Variants in IQCE observed in about 807,000 individuals in gnomAD.
IQCE encodes IQ motif containing E.
Under a neutral mutation model 96.0 loss-of-function variants are expected in IQCE, and 115 were observed. The ratio of observed to expected loss-of-function variants is 1.20; its 90% confidence interval spans 1.03 to 1.40. The LOEUF is 1.40. Ranked by LOEUF, IQCE falls within the 40% of genes most tolerant of loss-of-function variation. The pLI, the probability that IQCE is intolerant of heterozygous loss-of-function variation, is 0.00. For synonymous variants in IQCE, 412 were observed against 371.2 expected (o/e 1.11, Z -1.26); for missense variants, 1,041 against 909.1 (o/e 1.15, Z -1.87).
At chr7:2,588,517 G>A (rs1221449426) in intron 13 of IQCE, among the ~76,000 whole-genome samples, 3 of 148,638 alleles carry the variant, frequency 2.0e-5, no homozygotes, top group African/African-American at 7.4e-5. Flanking sequence ...CCACACCCGG[G>A]TAATTTTTTG....
In IQCE at chr7:2,599,628, T is replaced by C. The variant is rs575843535; in HGVS notation, c.1608+996T>C. Reference sequence around the variant, plus strand: ...CCTCCGGCCTCAGCCTCCCAAGTAGTTGGGACTACAGGCAGGCACCACCAC... The same window carrying C: ...CCTCCGGCCTCAGCCTCCCAAGTAGCTGGGACTACAGGCAGGCACCACCAC... On this transcript the variant is annotated intron_variant, in intron 17 of 21. Transcript: ENST00000402050. Among the ~76,000 whole-genome samples, 239 of 148,502 alleles carry C rather than the reference T, an allele frequency of 1.6e-3. 1 individual carries two copies. The highest frequency in any genetic ancestry group is 2.9e-3 in the Non-Finnish European group (192 of 67,004).
chr7:2,559,153 C>T lies in IQCE; in HGVS notation c.-29C>T, dbSNP rs1344614704. On this transcript the variant is annotated 5_prime_UTR_variant, in exon 1 of 22. Transcript: ENST00000402050. ...GACCCGGACGCCCGAGCCAGCAACCCTGAGGGGCGGCCGGGCAGCGCCGCC... is the reference window on the plus strand; with the variant it reads ...GACCCGGACGCCCGAGCCAGCAACCTTGAGGGGCGGCCGGGCAGCGCCGCC... The T allele has an allele frequency of 8.2e-7, 1 of 1,213,288 alleles. No homozygotes were observed. The allele number at this position is 1,213,288 out of a possible 1,614,324, so 75.2% of individuals were successfully genotyped here. A position where few individuals can be genotyped will look rare whatever the true frequency, so the allele number is the denominator to read the frequency against.
At chr7:2,604,729 G>A (rs939617292) in intron 18 of IQCE, 152 bp from the exon 19 acceptor site, 34 of 600,806 alleles carry the variant, frequency 5.7e-5, no homozygotes, top group African/African-American at 4.1e-4. Flanking sequence ...GTGGGAGCAC[G>A]GACGGCTCTT....
In IQCE at chr7:2,598,450, T is replaced by G; in HGVS notation, c.1441-15T>G. 6.4e-7 allele frequency: 1 copy of G among 1,557,890 alleles called. No individual in the cohort carries two copies. The highest frequency in any genetic ancestry group is 1.2e-5 in the South Asian group (1 of 83,338). The stretch of plus-strand genomic sequence containing the variant: ...CCTGGCTTCATTGTCCTCTTACTCC[T>G]TCAATTTCCTGCAGGCCCAAGAGCT... On this transcript the variant is annotated splice_polypyrimidine_tract_variant and intron_variant, in intron 16 of 21. Coordinates refer to ENST00000402050, the MANE Select transcript of IQCE (RefSeq NM_152558.5).
intron 1 of IQCE, among the ~76,000 whole-genome samples, chr7:2,563,734 A>G (rs1781147350): frequency 6.6e-6 from 1 of 151,506 alleles, no homozygotes; most frequent in Non-Finnish European, 1.5e-5. Context: ...CTCTACTAAA[A>G]ATACAAAAAA....
Position 2,610,300 on chromosome 7 carries a change from G to T in IQCE, c.*138G>T. ...CTCAGCATCTGCGTCGTGTCTCTTT[G>T]TGCTTTTGTTTGTGGAAGGAGACCC... On this transcript the variant is annotated 3_prime_UTR_variant, in exon 22 of 22. Coordinates refer to ENST00000402050, the MANE Select transcript of IQCE (RefSeq NM_152558.5). The T allele has an allele frequency of 1.6e-6, 1 of 642,016 alleles. No individual in the cohort carries two copies. The highest frequency in any genetic ancestry group is 2.8e-6 in the Non-Finnish European group (1 of 356,376). The allele number at this position is 642,016 out of a possible 1,614,324, so 39.8% of individuals were successfully genotyped here.
intron 9 of IQCE, among the ~76,000 whole-genome samples, chr7:2,583,046 C>T (rs1782798868): frequency 6.6e-6 from 1 of 152,108 alleles, no homozygotes; most frequent in African/African-American, 2.4e-5. Flanking sequence ...GAAACTGAGG[C>T]CACACGTCCA....
chr7:2,600,179 C>T (rs964957330), intron 17 of IQCE, among the ~76,000 whole-genome samples: 2 of 151,946 alleles, frequency 1.3e-5, no homozygotes, highest in Non-Finnish European at 2.9e-5. Context: ...GATCTGTTTC[C>T]TTGTGGGGTC....
At chr7:2,595,600 C>G (rs2969015) in intron 16 of IQCE, among the ~76,000 whole-genome samples, 1 of 152,040 alleles carries the variant, frequency 6.6e-6, no homozygotes, top group Non-Finnish European at 1.5e-5. Flanking sequence ...TCTGTGGCTC[C>G]GAGGTCCCTG....
In IQCE at chr7:2,578,144, C is replaced by G. The variant is rs941019913; in HGVS notation, c.466-98C>G. 1.8e-5 allele frequency: 15 copies of G among 815,300 alleles called. No homozygotes were observed. In the African/African-American group the frequency reaches 3.1e-4, roughly 17 times the overall value. 50.5% of individuals were successfully genotyped at this position (815,300 alleles called of 1,614,324 possible). A position where few individuals can be genotyped will look rare whatever the true frequency, so the allele number is the denominator to read the frequency against. On this transcript the variant is annotated intron_variant, in intron 6 of 21. Coordinates refer to ENST00000402050, the MANE Select transcript of IQCE (RefSeq NM_152558.5). ...CGCGTGGGGACGTGTGTGCGGCGTG[C>G]CCGCATTGGCGTGTGCGTGGCTGTG... is the stretch of plus-strand genomic sequence containing the variant.
At position 2,559,077 on chromosome 7, in the gene IQCE, C is replaced by T; in HGVS notation, c.-105C>T. On this transcript the variant is annotated 5_prime_UTR_variant, in exon 1 of 22. Coordinates refer to ENST00000402050, the MANE Select transcript of IQCE (RefSeq NM_152558.5). ...ATGGCAGCGGGGTCGCGGGCCGGCG[C>T]CAGGGAAGGCCCCGAGGCTGCGGGC... is the stretch of plus-strand genomic sequence containing the variant. 1.6e-6 allele frequency: 1 copy of T among 621,680 alleles called. No individual in the cohort carries two copies. Among genetic ancestry groups the T allele is most frequent in the Non-Finnish European group, 2.3e-6 (1 of 443,720 alleles). The allele number at this position is 621,680 out of a possible 1,614,324, so 38.5% of individuals were successfully genotyped here.
chr7:2,592,208 C>A (rs941584894), intron 14 of IQCE, among the ~76,000 whole-genome samples: 1 of 152,234 alleles, frequency 6.6e-6, no homozygotes, highest in South Asian at 2.1e-4. Context: ...ACTGTCCTTA[C>A]CCCTCACGTG....
rs2304540 is a variant in IQCE at position 2,573,408 on chromosome 7, G to C, written c.395-10G>C. ...ATAGTCTTTGAAACGATTTGTTTAT[G>C]TTTCTCTAGGTCATGTCCCTGGGAC... On this transcript the variant is annotated splice_polypyrimidine_tract_variant and intron_variant, in intron 5 of 21. Coordinates refer to ENST00000402050, the MANE Select transcript of IQCE (RefSeq NM_152558.5). 0.73 allele frequency: 969,891 copies of C among 1,321,936 alleles called. 358,586 individuals carry two copies. The highest frequency in any genetic ancestry group is 0.76 in the African/African-American group (52,868 of 69,252). The allele number at this position is 1,321,936 out of a possible 1,614,324, so 81.9% of individuals were successfully genotyped here.
intron 6 of IQCE, among the ~76,000 whole-genome samples, chr7:2,574,824 G>A (rs1452017663): frequency 2.0e-5 from 3 of 151,980 alleles, no homozygotes; most frequent in Non-Finnish European, 4.4e-5. Context: ...TTCTGTCCTC[G>A]AGCTCACGGA....
chr7:2,572,397 A>C (rs1425959282), intron 5 of IQCE, 71 bp downstream of exon 5: 2 of 1,505,228 alleles, frequency 1.3e-6, no homozygotes, highest in Non-Finnish European at 1.8e-6. Context: ...TCTGGGCTGG[A>C]GGCGTCCTTC....
chr7:2,593,248 T>A (rs1206416880), intron 15 of IQCE, 122 bp downstream of exon 15: 2 of 1,385,008 alleles, frequency 1.4e-6, no homozygotes, highest in East Asian at 4.8e-5. Flanking sequence ...CCACACCTCC[T>A]CACAGTCTTT....
chr7:2,591,402 C>T (rs1583471152), intron 14 of IQCE, among the ~76,000 whole-genome samples: 1 of 152,150 alleles, frequency 6.6e-6, no homozygotes. Context: ...CTGTTGATAG[C>T]TCCTCAGGGC....
In IQCE at chr7:2,606,013, G is replaced by C; in HGVS notation, c.1865+16G>C. On this transcript the variant is annotated intron_variant, in intron 20 of 21. Coordinates refer to ENST00000402050, the MANE Select transcript of IQCE (RefSeq NM_152558.5). ...CCAGGCACAGGTGAGTCAGGGTCAC[G>C]GGGACGTGGGACACAGACATGGCAC... 6.2e-7 allele frequency: 1 copy of C among 1,601,256 alleles called. No individual in the cohort carries two copies. The highest frequency in any genetic ancestry group is 1.7e-5 in the Admixed American group (1 of 58,224).
At chr7:2,595,669 G>A (rs1190973297) in intron 16 of IQCE, among the ~76,000 whole-genome samples, 2 of 151,944 alleles carry the variant, frequency 1.3e-5, no homozygotes, top group South Asian at 2.1e-4. Flanking sequence ...GGCCGGTGCT[G>A]CACTTGCCTC....
Sources: allele counts gnomAD v4.1 joint callset (sites outside exome capture counted in the v4.1 genomes callset), GRCh38; gene constraint gnomAD v4.1.1; transcripts MANE v1.5; gene names NCBI Gene and HGNC (gene_info 2026-07-23, HGNC 2026-07-21).